PDE9A: variants seen among roughly 807,000 people sequenced by gnomAD.
PDE9A encodes phosphodiesterase 9A.
PDE9A carries 60 observed loss-of-function variants against 87.4 expected under a neutral mutation model. That is an observed-to-expected ratio of 0.69 (90% CI 0.56 to 0.85). PDE9A has a LOEUF of 0.85. Ranked by LOEUF, PDE9A falls within the 40% of genes least tolerant of loss-of-function variation. The pLI, the probability that PDE9A is intolerant of heterozygous loss-of-function variation, is 0.00. For missense variants in PDE9A, 665 were observed against 779.0 expected (o/e 0.85, Z 1.74); for synonymous variants, 272 against 279.4 (o/e 0.97, Z 0.27).
Position 42,774,610 on chromosome 21 carries a change from G to A in PDE9A, c.1769-670G>A, listed in dbSNP as rs754375835. ...AATGGTCTGTGTGTCGGCCGGGCAC[G>A]GTGGTTCACACCTGTAATCCCAGAA... On this transcript the variant is annotated intron_variant, in intron 19 of 19. Transcript: ENST00000291539. Among the ~76,000 whole-genome samples, 19 of 151,982 alleles carry A rather than the reference G, an allele frequency of 1.3e-4. No homozygotes were observed. The South Asian group carries it at 1.5e-3, about 12-fold the overall frequency.
chr21:42,740,620 T>C, intron 7 of PDE9A, among the ~76,000 whole-genome samples: 1 of 21,032 alleles, frequency 4.8e-5, no homozygotes, highest in African/African-American at 1.4e-4. Flanking sequence ...GATGGATGGA[T>C]GGATGAATGG....
intron 1 of PDE9A, among the ~76,000 whole-genome samples, chr21:42,683,536 C>G (rs1217905560): frequency 6.6e-6 from 1 of 152,144 alleles, no homozygotes; most frequent in African/African-American, 2.4e-5. Flanking sequence ...AAGAAGCAGT[C>G]AAGGATCCCC....
chr21:42,764,772 C>A (rs1257380646), intron 14 of PDE9A, among the ~76,000 whole-genome samples: 2 of 152,154 alleles, frequency 1.3e-5, no homozygotes, highest in African/African-American at 4.8e-5. Flanking sequence ...ATAAATGCTT[C>A]ACTAATAACA....
intron 4 of PDE9A, among the ~76,000 whole-genome samples, chr21:42,727,549 G>A (rs2051275313): frequency 7.1e-6 from 1 of 141,636 alleles, no homozygotes; most frequent in Non-Finnish European, 1.5e-5. Flanking sequence ...CCCCAGGCTG[G>A]TCTCAAACTC....
At chr21:42,712,601 G>A (rs2049451439) in intron 4 of PDE9A, among the ~76,000 whole-genome samples, 1 of 152,192 alleles carries the variant, frequency 6.6e-6, no homozygotes, top group Non-Finnish European at 1.5e-5. Flanking sequence ...CAATCTTAGA[G>A]GAGATGCCTT....
chr21:42,668,558 G>C (rs1014170335), intron 1 of PDE9A, among the ~76,000 whole-genome samples: 2 of 152,172 alleles, frequency 1.3e-5, no homozygotes, highest in African/African-American at 4.8e-5. Flanking sequence ...TGTTCTTTTG[G>C]TTCGTCGATT....
chr21:42,712,304 T>G (rs533080559), intron 4 of PDE9A, among the ~76,000 whole-genome samples: 38 of 152,326 alleles, frequency 2.5e-4, no homozygotes, highest in Non-Finnish European at 1.5e-4. Context: ...GTGAATAAGA[T>G]TTCATTAATT....
chr21:42,759,172 C>A lies in PDE9A; in HGVS notation c.897+87C>A. 2.1e-6 allele frequency: 2 copies of A among 955,230 alleles called. No homozygotes were observed. Among genetic ancestry groups the A allele is most frequent in the South Asian group, 1.4e-5 (1 of 72,486 alleles). 59.2% of individuals were successfully genotyped at this position (955,230 alleles called of 1,614,324 possible). On this transcript the variant is annotated intron_variant, in intron 11 of 19. Coordinates refer to ENST00000291539, the MANE Select transcript of PDE9A (RefSeq NM_002606.3). This position sits in a 1 kb window ranked among gnomAD's most constrained non-coding sequence, Gnocchi z 7.2. ...ATGGAGGGAATGGATCACCAGGGCA[C>A]CTTCCGGATGGCACTGCGCTCCCTG...
intron 4 of PDE9A, among the ~76,000 whole-genome samples, chr21:42,714,418 T>A (rs1012061394): frequency 6.6e-6 from 1 of 152,240 alleles, no homozygotes; most frequent in Non-Finnish European, 1.5e-5. Context: ...TCTTTGTTGA[T>A]ATGGTTGGGG....
rs556546143 is a variant in PDE9A, at chr21:42,750,630, C to G, written c.654-486C>G. On this transcript the variant is annotated intron_variant, in intron 8 of 19. Coordinates refer to ENST00000291539, the MANE Select transcript of PDE9A (RefSeq NM_002606.3). ...TGCCCAGACTGGCCAGGCTGGCGTG[C>G]AGTGGCACAATCTCTGCTCACTGCA... 2.0e-5 allele frequency among the ~76,000 whole-genome samples: 3 copies of G among 151,690 alleles called. No individual in the cohort carries two copies. The East Asian group carries it at 5.8e-4, about 30-fold the overall frequency.
chr21:42,729,720 A>G (rs909401528), intron 4 of PDE9A, among the ~76,000 whole-genome samples: 12 of 152,128 alleles, frequency 7.9e-5, no homozygotes, highest in African/African-American at 2.9e-4. Flanking sequence ...ATTGAGTTCA[A>G]TGTCTTTTTA....
chr21:42,726,624 A>ATATATATTT, intron 4 of PDE9A, among the ~76,000 whole-genome samples: 9 of 19,782 alleles, frequency 4.5e-4, no homozygotes, highest in Admixed American at 8.2e-4. Flanking sequence ...ATATATATAT[A>ATATATATTT]TTTTTTTTTT....
At position 42,659,863 on chromosome 21, in the gene PDE9A, A is replaced by C. The variant is rs1015732526; in HGVS notation, c.69+5980A>C. Among the ~76,000 whole-genome samples, 2 of 152,204 alleles carry C rather than the reference A, an allele frequency of 1.3e-5. No homozygotes were observed. The highest frequency in any genetic ancestry group is 2.9e-5 in the Non-Finnish European group (2 of 68,028). ...CAAAAGACAGCTCTCGTTGTCAGCG[A>C]GGTAAATCTAGCGCAGAGGAAGGGC... On this transcript the variant is annotated intron_variant, in intron 1 of 19. Transcript: ENST00000291539. This position sits in a 1 kb window ranked among gnomAD's most constrained non-coding sequence, Gnocchi z 4.1.
At chr21:42,741,776 G>A (rs1883875169) in intron 7 of PDE9A, 1 of 152,188 alleles carries the variant, frequency 6.6e-6, no homozygotes, top group South Asian at 2.1e-4. Context: ...TTTCTTTCCG[G>A]AGCTGCAGTA....
chr21:42,713,977 A>C (rs926113203), intron 4 of PDE9A, among the ~76,000 whole-genome samples: 1 of 137,010 alleles, frequency 7.3e-6, no homozygotes, highest in African/African-American at 2.8e-5. Flanking sequence ...AAATGTATCT[A>C]ATTTTTGTCA....
rs539061074 is a variant in PDE9A at position 42,655,463 on chromosome 21, CT to C, written c.69+1584del. Among the ~76,000 whole-genome samples the C allele has an allele frequency of 5.5e-3, 838 of 152,212 alleles. 13 individuals carry two copies. The highest frequency in any genetic ancestry group is 0.031 in the Admixed American group (471 of 15,288). ...CAGGCTGTTATTGTGGGCAGGGTAG[CT>C]TTTCACAGTGGACACGCTGAGGTTG... is the stretch of plus-strand genomic sequence containing the variant. On this transcript the variant is annotated intron_variant, in intron 1 of 19. Coordinates refer to ENST00000291539, the MANE Select transcript of PDE9A (RefSeq NM_002606.3).
chr21:42,665,152 T>C (rs2145878326), intron 1 of PDE9A, among the ~76,000 whole-genome samples: 1 of 152,282 alleles, frequency 6.6e-6, no homozygotes, highest in Non-Finnish European at 1.5e-5. Flanking sequence ...ACCAGAGTGA[T>C]GCATGTACAA....
intron 9 of PDE9A, 77 bp from the exon 10 acceptor site, chr21:42,753,913 G>T (rs930825096): frequency 1.3e-5 from 9 of 711,392 alleles, no homozygotes; most frequent in Admixed American, 2.6e-5. Flanking sequence ...GGGAGAAAGA[G>T]GAGAAATATC....
intron 8 of PDE9A, among the ~76,000 whole-genome samples, chr21:42,745,572 C>A (rs932222580): frequency 6.6e-6 from 1 of 152,248 alleles, no homozygotes; most frequent in Admixed American, 6.5e-5. Context: ...AAGGCTGGGA[C>A]CCGGCTTGGC....
Sources: gnomAD v4.1 joint callset for allele counts (sites outside exome capture counted in the v4.1 genomes callset) on GRCh38, gnomAD v4.1.1 for gene constraint, Gnocchi (gnomAD v3.1) non-coding constraint, MANE v1.5 for transcripts, NCBI Gene and HGNC (gene_info 2026-07-23, HGNC 2026-07-21) for gene names.